The following TF variants were observed in gnomAD, a reference collection of about 807,000 sequenced individuals.
TF encodes the protein serotransferrin.
Under a neutral mutation model 82.4 loss-of-function variants are expected in TF, and 55 were observed. The observed-to-expected ratio is 0.67, with a 90% CI of 0.54 to 0.84. The LOEUF is 0.84. Among genes scored for constraint, TF ranks in the 40% least tolerant of loss-of-function variants. TF has a pLI of 0.00. For synonymous variants in TF, 332 were observed against 332.6 expected (o/e 1.00, Z 0.02); for missense variants, 737 against 868.4 (o/e 0.85, Z 1.90).
At chr3:133,676,437 C>T in the TF span, among the ~76,000 whole-genome samples, 1 of 152,172 alleles carries the variant, frequency 6.6e-6, no homozygotes, top group African/African-American at 2.4e-5. Flanking sequence ...GGGAGTGATG[C>T]GAAGTCAATG....
chr3:133,666,361 T>C, the TF span, among the ~76,000 whole-genome samples: 2 of 151,996 alleles, frequency 1.3e-5, no homozygotes, highest in African/African-American at 2.4e-5. Context: ...TTAGTAGAGA[T>C]GGGGTTTCAC....
the TF span, among the ~76,000 whole-genome samples, chr3:133,715,499 A>G: frequency 6.6e-6 from 1 of 152,092 alleles, no homozygotes; most frequent in South Asian, 2.1e-4. Flanking sequence ...CTACTAGATC[A>G]TTTCCATCAG....
chr3:133,717,834 AT>A, the TF span, among the ~76,000 whole-genome samples: 1 of 152,218 alleles, frequency 6.6e-6, no homozygotes, highest in Non-Finnish European at 1.5e-5. Flanking sequence ...TAATGATGTA[AT>A]AATGGTTTAA....
chr3:133,754,057 C>T (rs8177320), intron 3 of TF: 46 of 438,944 alleles, frequency 1.0e-4, no homozygotes, highest in Non-Finnish European at 1.8e-4. Flanking sequence ...CAGGAGGGGT[C>T]ACTCTGGAGC....
At chr3:133,667,171 T>C in the TF span, among the ~76,000 whole-genome samples, 6 of 151,984 alleles carry the variant, frequency 3.9e-5, no homozygotes, top group African/African-American at 7.3e-5. Flanking sequence ...AGCCAGATCT[T>C]GTCTCTAAAA....
intron 13 of TF, among the ~76,000 whole-genome samples, chr3:133,770,295 GA>G (rs1934228145): frequency 6.6e-6 from 1 of 152,176 alleles, no homozygotes; most frequent in Non-Finnish European, 1.5e-5. Context: ...AAAAAATTAA[GA>G]TTTAGTATGT....
chr3:133,669,822 T>G, the TF span, among the ~76,000 whole-genome samples: 2 of 152,250 alleles, frequency 1.3e-5, no homozygotes, highest in Non-Finnish European at 2.9e-5. Flanking sequence ...ATTAAGATTT[T>G]GGAGCTTTGC....
intron 1 of TF, among the ~76,000 whole-genome samples, chr3:133,747,933 A>G (rs1933547831): frequency 7.2e-6 from 1 of 139,772 alleles, no homozygotes; most frequent in African/African-American, 2.7e-5. Context: ...ACCTTGGGTT[A>G]AAAAAAAAAA....
the TF span, chr3:133,662,313 A>AT: frequency 6.6e-6 from 1 of 152,316 alleles, no homozygotes; most frequent in Admixed American, 6.5e-5. Flanking sequence ...TGGTAGTTCC[A>AT]TTTTGTAGAT....
At position 133,770,199 on chromosome 3, in the gene TF, G is replaced by A. The variant is rs112324336; in HGVS notation, c.1623-309G>A. 1.4e-4 allele frequency among the ~76,000 whole-genome samples: 21 copies of A among 152,252 alleles called. No individual in the cohort carries two copies. The East Asian group carries it at 3.9e-3, about 28-fold the overall frequency. ...AACTGAGTTTTTCATTCATATGCTGGGGGAGGCATCACCTCACTGAAAATC... is the reference window on the plus strand; with the variant it reads ...AACTGAGTTTTTCATTCATATGCTGAGGGAGGCATCACCTCACTGAAAATC... On this transcript the variant is annotated intron_variant, in intron 13 of 16. Transcript: ENST00000402696.
the TF span, among the ~76,000 whole-genome samples, chr3:133,736,110 G>C: frequency 1.3e-5 from 2 of 152,172 alleles, no homozygotes; most frequent in African/African-American, 4.8e-5. Context: ...AGATCTCTCA[G>C]CAGAAACCCT....
chr3:133,730,373 C>T, the TF span, among the ~76,000 whole-genome samples: 1 of 152,222 alleles, frequency 6.6e-6, no homozygotes, highest in African/African-American at 2.4e-5. Flanking sequence ...TGCTGGGCTT[C>T]TGGAAGACTC....
At chr3:133,733,182 T>C in the TF span, among the ~76,000 whole-genome samples, 1 of 152,218 alleles carries the variant, frequency 6.6e-6, no homozygotes, top group Non-Finnish European at 1.5e-5. Flanking sequence ...TGACACCTGT[T>C]GTCCCAGCCC....
rs948601614 is a variant in TF, at chr3:133,783,913, C to T, written c.*5293C>T. 4 of 152,320 alleles carry T rather than the reference C, an allele frequency of 2.6e-5. No homozygotes were observed. The highest frequency in any genetic ancestry group is 2.6e-4 in the Admixed American group (4 of 15,288). The allele number at this position is 152,320 out of a possible 1,614,324, so 9.4% of individuals were successfully genotyped here. ...TCTGCTGAGCCGCCTGGACGCAGCG[C>T]CCCTGGGTGGCGGCAGGTATAGCAG... On this transcript the variant is annotated 3_prime_UTR_variant, in exon 17 of 17. Transcript: ENST00000402696.
chr3:133,757,810 C>T lies in TF; in HGVS notation c.912C>T (p.Phe304=). 6.8e-6 allele frequency: 11 copies of T among 1,614,240 alleles called. No individual in the cohort carries two copies. Among genetic ancestry groups the T allele is most frequent in the African/African-American group, 1.3e-5 (1 of 75,064 alleles). Residue 304 remains phenylalanine (F), a synonymous_variant, in exon 8 of 17, where the codon TTC becomes TTT. Transcript: ENST00000402696. Reference sequence around the variant, plus strand: ...ACAAATCAAAAGAATTCCAACTATTCAGCTCTCCTCATGGGAAGGACCTGC... The same window carrying T: ...ACAAATCAAAAGAATTCCAACTATTTAGCTCTCCTCATGGGAAGGACCTGC... ...GKDKSKEFQL[F]SSPHGKDLLF...
At chr3:133,761,894 AT>A in intron 9 of TF, 1 of 161,760 alleles carries the variant, frequency 6.2e-6, no homozygotes, top group South Asian at 1.9e-4. Context: ...TGAGAGTCCC[AT>A]TAGTTTGCTG....
At chr3:133,688,301 A>G in the TF span, 4 of 152,686 alleles carry the variant, frequency 2.6e-5, no homozygotes, top group African/African-American at 9.6e-5. Flanking sequence ...TGTTTCCAGC[A>G]GATGGTCCCC....
the TF span, chr3:133,699,470 G>A: frequency 2.4e-6 from 3 of 1,235,872 alleles, no homozygotes; most frequent in Non-Finnish European, 2.2e-6. Flanking sequence ...AGGCTGACAA[G>A]GACCAGTATG....
chr3:133,664,751 A>C, the TF span, among the ~76,000 whole-genome samples: 1 of 152,058 alleles, frequency 6.6e-6, no homozygotes, highest in Non-Finnish European at 1.5e-5. Context: ...ACTATGGCAA[A>C]TTTTACATAA....
Sources: allele counts gnomAD v4.1 joint callset (sites outside exome capture counted in the v4.1 genomes callset), GRCh38; gene constraint gnomAD v4.1.1; transcripts MANE v1.5; gene names NCBI Gene and HGNC (gene_info 2026-07-23, HGNC 2026-07-21).